ARB2A: variants seen among roughly 807,000 people sequenced by gnomAD.
The protein encoded by ARB2A is ARB2 cotranscriptional regulator A.
the ARB2A span, among the ~76,000 whole-genome samples, chr5:94,043,664 A>T: frequency 1.3e-5 from 2 of 152,152 alleles, no homozygotes; most frequent in Admixed American, 1.3e-4. Flanking sequence ...GACCTGTGGC[A>T]AATAAAAAAT....
the ARB2A span, among the ~76,000 whole-genome samples, chr5:93,771,055 T>C: frequency 9.9e-5 from 15 of 152,144 alleles, no homozygotes; most frequent in Non-Finnish European, 2.1e-4. Flanking sequence ...CTTCAAACTA[T>C]ACTACAAGGC....
chr5:93,796,759 G>A, the ARB2A span, among the ~76,000 whole-genome samples: 61 of 152,220 alleles, frequency 4.0e-4, no homozygotes, highest in Non-Finnish European at 6.6e-4. Flanking sequence ...TTTAAAATCC[G>A]ACTTGGATTA....
the ARB2A span, among the ~76,000 whole-genome samples, chr5:93,720,459 G>A: frequency 2.0e-5 from 3 of 151,990 alleles, no homozygotes; most frequent in African/African-American, 4.8e-5. Context: ...GAGTTCTTTC[G>A]GTGTCATATC....
the ARB2A span, among the ~76,000 whole-genome samples, chr5:93,899,971 T>C: frequency 6.6e-6 from 1 of 152,096 alleles, no homozygotes; most frequent in Admixed American, 6.6e-5. Flanking sequence ...ACCATTCAAG[T>C]GATAATAGAA....
the ARB2A span, among the ~76,000 whole-genome samples, chr5:94,030,328 A>G: frequency 6.6e-6 from 1 of 152,234 alleles, no homozygotes; most frequent in Non-Finnish European, 1.5e-5. Context: ...CAAATCAGGA[A>G]GTTCTGGGGT....
At chr5:93,970,197 T>A in the ARB2A span, among the ~76,000 whole-genome samples, 1 of 152,046 alleles carries the variant, frequency 6.6e-6, no homozygotes, top group East Asian at 1.9e-4. Flanking sequence ...AGTAAGAACA[T>A]CAGCCCAAGA....
chr5:93,642,728 C>T, the ARB2A span, among the ~76,000 whole-genome samples: 8 of 151,982 alleles, frequency 5.3e-5, no homozygotes, highest in Non-Finnish European at 7.4e-5. Context: ...GCTATGTTGC[C>T]CAGCTGGTCT....
the ARB2A span, among the ~76,000 whole-genome samples, chr5:93,672,318 CTT>C: frequency 4.2e-5 from 6 of 143,730 alleles, no homozygotes; most frequent in Non-Finnish European, 4.6e-5. Context: ...CACTAATGTT[CTT>C]TTTTTTTTTT....
chr5:93,708,488 T>C, the ARB2A span, among the ~76,000 whole-genome samples: 2 of 152,214 alleles, frequency 1.3e-5, no homozygotes, highest in African/African-American at 4.8e-5. Context: ...AGGATGAAAC[T>C]GTTCCACCTC....
chr5:94,110,685 T>C, the ARB2A span, among the ~76,000 whole-genome samples: 1 of 152,252 alleles, frequency 6.6e-6, no homozygotes, highest in Admixed American at 6.5e-5. Context: ...AGATATTTGT[T>C]ATGCAGTATA....
At chr5:93,760,368 C>T in the ARB2A span, among the ~76,000 whole-genome samples, 4 of 152,092 alleles carry the variant, frequency 2.6e-5, no homozygotes, top group Admixed American at 2.6e-4. Context: ...ATCAAAATAC[C>T]ACCATCATTC....
the ARB2A span, among the ~76,000 whole-genome samples, chr5:93,981,194 A>G: frequency 2.6e-5 from 4 of 151,818 alleles, no homozygotes; most frequent in Admixed American, 1.3e-4. Flanking sequence ...CAGCTCCCCA[A>G]GTAGCTGGGA....
chr5:93,866,035 A>T, the ARB2A span: 2 of 983,842 alleles, frequency 2.0e-6, no homozygotes, highest in Non-Finnish European at 2.4e-6. Context: ...ACGTTGCTAA[A>T]TAATCTATAA....
chr5:93,761,684 T>G, the ARB2A span, among the ~76,000 whole-genome samples: 1 of 152,206 alleles, frequency 6.6e-6, no homozygotes, highest in Non-Finnish European at 1.5e-5. Context: ...TATATGTCCC[T>G]GTCTGACAGT....
the ARB2A span, among the ~76,000 whole-genome samples, chr5:93,786,095 C>G: frequency 6.6e-6 from 1 of 152,116 alleles, no homozygotes; most frequent in African/African-American, 2.4e-5. Context: ...TAAGAACATG[C>G]CTTTCTGGTA....
At chr5:93,790,558 A>G in the ARB2A span, among the ~76,000 whole-genome samples, 1 of 152,216 alleles carries the variant, frequency 6.6e-6, no homozygotes, top group East Asian at 1.9e-4. Flanking sequence ...TAGACCAGTC[A>G]TACCACTATG....
the ARB2A span, among the ~76,000 whole-genome samples, chr5:94,068,869 A>AT: frequency 2.7e-5 from 4 of 149,528 alleles, no homozygotes; most frequent in South Asian, 2.1e-4. Flanking sequence ...ATACAAAAAA[A>AT]AAAAAAAAAA....
At chr5:93,711,120 T>G in the ARB2A span, among the ~76,000 whole-genome samples, 5 of 152,088 alleles carry the variant, frequency 3.3e-5, no homozygotes, top group African/African-American at 4.8e-5. Context: ...TTTTAGGATC[T>G]GACCTTTGGG....
the ARB2A span, among the ~76,000 whole-genome samples, chr5:94,028,626 T>A: frequency 1.3e-5 from 2 of 152,194 alleles, no homozygotes; most frequent in Non-Finnish European, 2.9e-5. Flanking sequence ...CTCTTAATAT[T>A]TAATTTTGAA....
Sources: allele counts gnomAD v4.1 joint callset (sites outside exome capture counted in the v4.1 genomes callset), GRCh38; gene constraint gnomAD v4.1.1; transcripts MANE v1.5; gene names NCBI Gene and HGNC (gene_info 2026-07-23, HGNC 2026-07-21).